RIMBP2: variants seen among roughly 807,000 people sequenced by gnomAD.
RIMBP2 encodes RIMS-binding protein 2.
A neutral mutation model predicts 118.6 loss-of-function variants in RIMBP2; 48 were observed. The observed-to-expected ratio is 0.40, with a 90% CI of 0.32 to 0.51. The LOEUF (loss-of-function observed/expected upper bound fraction) is 0.51, where lower values mean the gene tolerates loss of function less well. Ranked by LOEUF, RIMBP2 falls within the 20% of genes least tolerant of loss-of-function variation. The pLI is 0.41. For synonymous variants in RIMBP2, 762 were observed against 742.9 expected (o/e 1.03, Z -0.42); for missense variants, 1,551 against 1,768.3 (o/e 0.88, Z 2.20).
Position 130,431,581 on chromosome 12 carries a change from A to G in RIMBP2, c.2253+3153T>C. 1 of 166,322 alleles carries G rather than the reference A, an allele frequency of 6.0e-6. No homozygotes were observed. Among genetic ancestry groups the G allele is most frequent in the South Asian group, 1.6e-4 (1 of 6,062 alleles). 10.3% of individuals were successfully genotyped at this position (166,322 alleles called of 1,614,324 possible). A position where few individuals can be genotyped will look rare whatever the true frequency, so the allele number is the denominator to read the frequency against. The stretch of plus-strand genomic sequence containing the variant: ...TATTATTATATTATTAACAATATAT[A>G]TTAACAATTAATATATTGTTATATT... On this transcript the variant is annotated intron_variant, in intron 14 of 22. Coordinates refer to ENST00000690449, the MANE Select transcript of RIMBP2 (RefSeq NM_001393629.1). This position sits in a 1 kb window ranked among gnomAD's most constrained non-coding sequence, Gnocchi z 4.0.
At position 130,628,410 on chromosome 12, in the gene RIMBP2, G is replaced by A. The variant is rs1318099571; in HGVS notation, c.-305C>T. ...TCCCAAAGCTTGGGTCTGATCGAATGTGGCCTCAGCACCTGCAGGCTTCAG... is the reference window on the plus strand; with the variant it reads ...TCCCAAAGCTTGGGTCTGATCGAATATGGCCTCAGCACCTGCAGGCTTCAG... On this transcript the variant is annotated 5_prime_UTR_variant, in exon 2 of 23. Transcript: ENST00000690449. The A allele has an allele frequency of 6.6e-6, 1 of 152,240 alleles. No individual in the cohort carries two copies. Among genetic ancestry groups the A allele is most frequent in the Non-Finnish European group, 1.5e-5 (1 of 68,038 alleles). The allele number at this position is 152,240 out of a possible 1,614,324, so 9.4% of individuals were successfully genotyped here.
chr12:130,522,558 C>A (rs2052247174), intron 2 of RIMBP2, among the ~76,000 whole-genome samples: 1 of 152,356 alleles, frequency 6.6e-6, no homozygotes, highest in African/African-American at 2.4e-5. Context: ...ATACCATGGG[C>A]TCCTTCCCAA....
At chr12:130,673,727 T>A (rs2064305494) in intron 1 of RIMBP2, among the ~76,000 whole-genome samples, 1 of 152,098 alleles carries the variant, frequency 6.6e-6, no homozygotes, top group African/African-American at 2.4e-5. Flanking sequence ...TGGGGCCTGG[T>A]GGGAGGTGCC....
chr12:130,696,995 G>C (rs1166486478), intron 1 of RIMBP2, among the ~76,000 whole-genome samples: 1 of 152,184 alleles, frequency 6.6e-6, no homozygotes, highest in Non-Finnish European at 1.5e-5. Context: ...GAGTCAGATT[G>C]GGAAGTGCCT....
chr12:130,600,524 C>A (rs1194615716), intron 2 of RIMBP2, among the ~76,000 whole-genome samples: 1 of 151,968 alleles, frequency 6.6e-6, no homozygotes, highest in African/African-American at 2.4e-5. Flanking sequence ...GGATGTCAGC[C>A]CCAACAGAAC....
At chr12:130,551,915 G>T (rs1163788911) in intron 2 of RIMBP2, among the ~76,000 whole-genome samples, 1 of 152,180 alleles carries the variant, frequency 6.6e-6, no homozygotes, top group Non-Finnish European at 1.5e-5. Flanking sequence ...TATGTTAGTG[G>T]CAAATCATGA....
At chr12:130,496,438 A>G (rs963968962) in intron 4 of RIMBP2, among the ~76,000 whole-genome samples, 4 of 152,150 alleles carry the variant, frequency 2.6e-5, no homozygotes, top group Middle Eastern at 3.2e-3. Flanking sequence ...TAGCAGCATG[A>G]AAAAGGACTA....
Position 130,511,121 on chromosome 12 carries a change from G to A in RIMBP2, c.-126-4351C>T, listed in dbSNP as rs2050871107. Among the ~76,000 whole-genome samples the A allele has an allele frequency of 1.3e-5, 2 of 152,126 alleles. No homozygotes were observed. The highest frequency in any genetic ancestry group is 1.5e-5 in the Non-Finnish European group (1 of 68,032). ...CCGGGGTTATCCAGATGGGCTCTAC[G>A]TAGTCACAGAGCCCTTATCAGGAAA... is the stretch of plus-strand genomic sequence containing the variant. On this transcript the variant is annotated intron_variant, in intron 3 of 22. Coordinates refer to ENST00000690449, the MANE Select transcript of RIMBP2 (RefSeq NM_001393629.1). The surrounding 1 kb of genome is among the most constrained non-coding windows in gnomAD (Gnocchi z 4.3).
intron 6 of RIMBP2, among the ~76,000 whole-genome samples, chr12:130,459,807 C>A (rs998640412): frequency 6.6e-6 from 1 of 152,074 alleles, no homozygotes; most frequent in East Asian, 1.9e-4. Flanking sequence ...GAGGGTGAGC[C>A]GAGCAGCAGC....
intron 4 of RIMBP2, among the ~76,000 whole-genome samples, chr12:130,483,864 C>T (rs1247744396): frequency 1.5e-4 from 21 of 141,930 alleles, no homozygotes; most frequent in Admixed American, 5.6e-4. Context: ...GGAGCCCCCA[C>T]CCTCACCTAC....
chr12:130,569,075 C>T lies in RIMBP2; in HGVS notation c.-216-51158G>A, dbSNP rs147200933. On this transcript the variant is annotated intron_variant, in intron 2 of 22. Coordinates refer to ENST00000690449, the MANE Select transcript of RIMBP2 (RefSeq NM_001393629.1). ...TGTATTTTATGACTGTCTTCAGTTC[C>T]GTGTATAAAACCTTATTCTCATAGG... Among the ~76,000 whole-genome samples the T allele has an allele frequency of 2.8e-3, 422 of 152,016 alleles. 2 individuals carry two copies. Among genetic ancestry groups the T allele is most frequent in the South Asian group, 5.2e-3 (25 of 4,802 alleles).
rs572466079 is a variant in RIMBP2, at chr12:130,418,362, G to A, written c.3239-4056C>T. Among the ~76,000 whole-genome samples, 3 of 152,322 alleles carry A rather than the reference G, an allele frequency of 2.0e-5. No individual in the cohort carries two copies. The South Asian group carries it at 6.2e-4, about 32-fold the overall frequency. Reference sequence around the variant, plus strand: ...TTTTCTAGTTTCAAGTGGTATCTGAGTTCAATAGAATGTGAAGCGCTCCAT... The same window carrying A: ...TTTTCTAGTTTCAAGTGGTATCTGAATTCAATAGAATGTGAAGCGCTCCAT... On this transcript the variant is annotated intron_variant, in intron 17 of 22. Transcript: ENST00000690449.
chr12:130,473,262 CA>C (rs1227559960), intron 5 of RIMBP2, among the ~76,000 whole-genome samples: 1 of 152,234 alleles, frequency 6.6e-6, no homozygotes, highest in Non-Finnish European at 1.5e-5. Context: ...AAGCGAGGCT[CA>C]TTTAGGGGCC....
chr12:130,429,925 CGAG>C (rs2077050689), intron 14 of RIMBP2: 1 of 152,316 alleles, frequency 6.6e-6, no homozygotes, highest in East Asian at 1.9e-4. Flanking sequence ...CTGGGTCTAA[CGAG>C]GCCCTCCCAA....
intron 1 of RIMBP2, among the ~76,000 whole-genome samples, chr12:130,712,849 C>G (rs1950017864): frequency 1.3e-5 from 2 of 152,100 alleles, no homozygotes; most frequent in Admixed American, 6.6e-5. Context: ...GACAGCCACA[C>G]TGGGATGGGG....
intron 6 of RIMBP2, chr12:130,466,244 C>T (rs922884083): frequency 1.3e-5 from 2 of 152,158 alleles, no homozygotes; most frequent in African/African-American, 4.8e-5. Flanking sequence ...TTATTTAACT[C>T]CTAGCAGCTG....
At chr12:130,542,005 C>T (rs1234402956) in intron 2 of RIMBP2, among the ~76,000 whole-genome samples, 10 of 152,186 alleles carry the variant, frequency 6.6e-5, no homozygotes, top group Non-Finnish European at 1.5e-4. Flanking sequence ...GTGGAGGCAT[C>T]GCCTCAGAAC....
chr12:130,654,587 C>T (rs11061057), intron 1 of RIMBP2, among the ~76,000 whole-genome samples: 33,843 of 152,176 alleles, frequency 0.22, 4,022 homozygotes, highest in African/African-American at 0.26. Flanking sequence ...CCACCCTCTG[C>T]CTATTACCCA....
intron 11 of RIMBP2, 141 bp downstream of exon 11, chr12:130,441,707 C>T (rs1470131865): frequency 1.1e-5 from 8 of 738,630 alleles, no homozygotes; most frequent in South Asian, 3.7e-5. Flanking sequence ...TGTGCTTCGC[C>T]GGTGACCTAA....
Sources: allele counts gnomAD v4.1 joint callset (sites outside exome capture counted in the v4.1 genomes callset), GRCh38; gene constraint gnomAD v4.1.1; non-coding constraint Gnocchi (gnomAD v3.1); transcripts MANE v1.5; gene names NCBI Gene and HGNC (gene_info 2026-07-23, HGNC 2026-07-21).